KAT6B: variants seen among roughly 807,000 people sequenced by gnomAD.
KAT6B encodes the protein histone acetyltransferase KAT6B.
Under a neutral mutation model 187.5 loss-of-function variants are expected in KAT6B, and 10 were observed. The ratio of observed to expected loss-of-function variants is 0.05; its 90% CI spans 0.03 to 0.09. The LOEUF (loss-of-function observed/expected upper bound fraction) is 0.09, where lower values mean the gene tolerates loss of function less well. Ranked by LOEUF, KAT6B falls within the 10% of genes least tolerant of loss-of-function variation. The probability of loss-of-function intolerance (pLI) is 1.00; values close to 1 mark genes in which losing one functional copy is unlikely to be tolerated. For missense variants in KAT6B, 1,952 were observed against 2,558.9 expected (o/e 0.76, Z 5.12); for synonymous variants, 861 against 926.8 (o/e 0.93, Z 1.29).
chr10:74,834,889 T>G (rs1290373573), intron 1 of KAT6B, among the ~76,000 whole-genome samples: 1 of 152,260 alleles, frequency 6.6e-6, no homozygotes, highest in Non-Finnish European at 1.5e-5. Context: ...GGTGTCCCTT[T>G]TGTTTGACAG....
rs370776412 is a variant in KAT6B at position 74,909,311 on chromosome 10, C to T, written c.622-50659C>T. On this transcript the variant is annotated intron_variant, in intron 3 of 17. Transcript: ENST00000287239. ...GCTTGAACCTGGGAGGTGAAGGTTGCAGTGAGCTGAGATCGCATCATTGTA... is the reference window on the plus strand; with the variant it reads ...GCTTGAACCTGGGAGGTGAAGGTTGTAGTGAGCTGAGATCGCATCATTGTA... Among the ~76,000 whole-genome samples the T allele has an allele frequency of 2.6e-5, 4 of 152,330 alleles. No homozygotes were observed. In the East Asian group the frequency reaches 7.7e-4, roughly 29 times the overall value.
At chr10:74,910,238 C>T (rs1320485933) in intron 3 of KAT6B, among the ~76,000 whole-genome samples, 7 of 152,170 alleles carry the variant, frequency 4.6e-5, no homozygotes, top group East Asian at 3.9e-4. Context: ...GCGGAGGTTG[C>T]GGTGAGCCAA....
intron 1 of KAT6B, among the ~76,000 whole-genome samples, chr10:74,830,760 ATATATATATTTTTTTTTTTTTTTTTTT>A (rs1281337846): frequency 2.0e-3 from 54 of 26,990 alleles, no homozygotes; most frequent in African/African-American, 0.015. Context: ...ATATATATAT[ATATATATATTTTTTTTTTTTTTTTTTT>A]TTTTTTTTTT....
chr10:74,961,558 A>C lies in KAT6B; in HGVS notation c.730+1480A>C, dbSNP rs375710150. ...GGTGATACACTTACTTGAGTTGATA[A>C]GAAGTTCGAGATCATTATCTTCTAG... On this transcript the variant is annotated intron_variant, in intron 4 of 17. Transcript: ENST00000287239. Among the ~76,000 whole-genome samples, 17 of 152,300 alleles carry C rather than the reference A, an allele frequency of 1.1e-4. No homozygotes were observed. The East Asian group carries it at 1.5e-3, about 14-fold the overall frequency.
intron 3 of KAT6B, among the ~76,000 whole-genome samples, chr10:74,938,452 G>T (rs1849420597): frequency 6.6e-6 from 1 of 151,972 alleles, no homozygotes; most frequent in South Asian, 2.1e-4. Context: ...GCAGGTAATT[G>T]GAAAGAAGAG....
Position 75,029,282 on chromosome 10 carries a change from C to T in KAT6B, c.4458C>T (p.Asn1486=), listed in dbSNP as rs1846128110. 1 of 1,614,118 alleles carries T rather than the reference C, an allele frequency of 6.2e-7. No individual in the cohort carries two copies. The highest frequency in any genetic ancestry group is 8.5e-7 in the Non-Finnish European group (1 of 1,180,026). The change falls in exon 18 of 18, where the codon AAC becomes AAT. Residue 1486 remains asparagine, a synonymous_variant. Coordinates refer to ENST00000287239, the MANE Select transcript of KAT6B (RefSeq NM_012330.4). The surrounding 1 kb of genome is among the most constrained non-coding windows in gnomAD (Gnocchi z 6.2). ...DCGVDLTASC[N]SEPKELAGDP... is the part of the protein sequence containing the mutation. ...GCGTCGACCTGACAGCTTCTTGTAA[C>T]AGTGAGCCCAAGGAGCTTGCTGGGG...
chr10:74,900,447 G>A (rs535921545), intron 3 of KAT6B, among the ~76,000 whole-genome samples: 7 of 152,316 alleles, frequency 4.6e-5, no homozygotes, highest in African/African-American at 1.7e-4. Context: ...TTTGCGTTTT[G>A]CTTGTTGGCT....
intron 3 of KAT6B, among the ~76,000 whole-genome samples, chr10:74,950,203 C>T (rs1400956701): frequency 6.6e-6 from 1 of 152,156 alleles, no homozygotes; most frequent in Non-Finnish European, 1.5e-5. Flanking sequence ...TTGGTGTCTA[C>T]TTATGTCCAA....
chr10:74,935,025 G>A (rs936798850), intron 3 of KAT6B, among the ~76,000 whole-genome samples: 6 of 152,206 alleles, frequency 3.9e-5, no homozygotes, highest in Non-Finnish European at 8.8e-5. Context: ...GCCTGAGTTG[G>A]ATTCTGAGCT....
intron 3 of KAT6B, among the ~76,000 whole-genome samples, chr10:74,942,228 AT>A (rs1324982105): frequency 2.6e-5 from 4 of 152,154 alleles, no homozygotes; most frequent in African/African-American, 7.2e-5. Flanking sequence ...ATAAACACAG[AT>A]TTTTTTAATT....
intron 13 of KAT6B, among the ~76,000 whole-genome samples, chr10:75,012,928 A>G (rs1257636243): frequency 6.6e-6 from 1 of 152,178 alleles, no homozygotes; most frequent in Non-Finnish European, 1.5e-5. Flanking sequence ...GGGGACATTC[A>G]GTAAGAAAAA....
intron 3 of KAT6B, among the ~76,000 whole-genome samples, chr10:74,874,322 A>G (rs1248723088): frequency 6.6e-6 from 1 of 152,162 alleles, no homozygotes; most frequent in Non-Finnish European, 1.5e-5. Flanking sequence ...TTCTTCAGTG[A>G]CTGATAGGCT....
intron 16 of KAT6B, among the ~76,000 whole-genome samples, 168 bp from the exon 17 acceptor site, chr10:75,024,790 G>C (rs1267637513): frequency 6.6e-6 from 1 of 152,212 alleles, no homozygotes; most frequent in Non-Finnish European, 1.5e-5. Flanking sequence ...TGTAGTTGGA[G>C]CCCGAGAGGG....
intron 1 of KAT6B, among the ~76,000 whole-genome samples, chr10:74,830,066 T>A (rs1370000867): frequency 6.6e-6 from 1 of 150,736 alleles, no homozygotes; most frequent in Non-Finnish European, 1.5e-5. Context: ...TAAGTAGGGA[T>A]GTGTAAGCTG....
chr10:74,868,686 C>T (rs1843710150), intron 3 of KAT6B, among the ~76,000 whole-genome samples: 1 of 152,178 alleles, frequency 6.6e-6, no homozygotes, highest in Non-Finnish European at 1.5e-5. Context: ...GTTTCATTTG[C>T]ATTTATATCC....
chr10:75,004,695 G>A (rs901357190), intron 13 of KAT6B, among the ~76,000 whole-genome samples: 1 of 152,110 alleles, frequency 6.6e-6, no homozygotes, highest in African/African-American at 2.4e-5. Context: ...TAGAAGAGAC[G>A]CATTTTTCCT....
intron 17 of KAT6B, 96 bp downstream of exon 17, chr10:75,025,345 TG>T: frequency 8.2e-7 from 1 of 1,225,892 alleles, no homozygotes; most frequent in South Asian, 1.3e-5. Flanking sequence ...CAGAGGCACC[TG>T]CGAAGTGGTG....
At chr10:74,895,423 G>A (rs981354229) in intron 3 of KAT6B, among the ~76,000 whole-genome samples, 4 of 151,558 alleles carry the variant, frequency 2.6e-5, no homozygotes, top group Non-Finnish European at 5.9e-5. Context: ...AAAAGTTTAG[G>A]AAATAATATG....
intron 3 of KAT6B, among the ~76,000 whole-genome samples, chr10:74,941,033 A>T (rs564590687): frequency 8.5e-5 from 13 of 152,100 alleles, no homozygotes; most frequent in Admixed American, 3.3e-4. Context: ...AGGCATGTGC[A>T]TTTTTTTTAG....
Sources: gnomAD v4.1 joint callset for allele counts (sites outside exome capture counted in the v4.1 genomes callset) on GRCh38, gnomAD v4.1.1 for gene constraint, Gnocchi (gnomAD v3.1) non-coding constraint, MANE v1.5 for transcripts, NCBI Gene and HGNC (gene_info 2026-07-23, HGNC 2026-07-21) for gene names.